STXBP6: variants seen among roughly 807,000 people sequenced by gnomAD.
STXBP6 encodes the protein syntaxin-binding protein 6.
STXBP6 carries 21 observed loss-of-function variants against 26.9 expected under a neutral mutation model. That is an observed-to-expected ratio of 0.78 (90% CI 0.55 to 1.12). The LOEUF is 1.12. Among genes scored for constraint, STXBP6 ranks in the 50% most tolerant of loss-of-function variants. The probability of loss-of-function intolerance (pLI) is 0.00; values close to 1 mark genes in which losing one functional copy is unlikely to be tolerated. For synonymous variants in STXBP6, 97 were observed against 92.6 expected, an observed-to-expected ratio of 1.05 and a Z score of -0.27; for missense variants, 232 against 257.9, an observed-to-expected ratio of 0.90 and a Z score of 0.69.
chr14:24,866,110 T>A (rs2069709277), intron 2 of STXBP6, among the ~76,000 whole-genome samples: 1 of 152,090 alleles, frequency 6.6e-6, no homozygotes, highest in African/African-American at 2.4e-5. Context: ...GGACTTTGAG[T>A]AAAGCACATG....
chr14:24,819,827 C>T (rs2068087848), intron 4 of STXBP6, among the ~76,000 whole-genome samples: 3 of 152,146 alleles, frequency 2.0e-5, no homozygotes, highest in South Asian at 2.1e-4. Context: ...TACCATGGCT[C>T]GGATGGTTGG....
chr14:24,921,558 G>A (rs2139815807), intron 2 of STXBP6, among the ~76,000 whole-genome samples: 1 of 152,186 alleles, frequency 6.6e-6, no homozygotes, highest in East Asian at 1.9e-4. Context: ...GAGGGTAGAA[G>A]GCTCATCCAA....
intron 2 of STXBP6, among the ~76,000 whole-genome samples, chr14:24,944,265 A>G (rs1005835089): frequency 6.6e-6 from 1 of 152,218 alleles, no homozygotes; most frequent in Non-Finnish European, 1.5e-5. Flanking sequence ...AAGCTTGGGC[A>G]CGCTGACCAC....
Position 24,855,926 on chromosome 14 carries a change from G to A in STXBP6, c.451+10C>T. ...ACAGGATGACTAAAGTCACACAAAT[G>A]TCCACTCACCTCCCATAATTTTGGA... On this transcript the variant is annotated intron_variant, in intron 4 of 5. Coordinates refer to ENST00000323944, the MANE Select transcript of STXBP6 (RefSeq NM_001394410.1). The A allele has an allele frequency of 1.9e-6, 3 of 1,592,430 alleles. No individual in the cohort carries two copies. The highest frequency in any genetic ancestry group is 2.6e-6 in the Non-Finnish European group (3 of 1,171,592).
intron 1 of STXBP6, among the ~76,000 whole-genome samples, chr14:24,999,880 G>A (rs565759417): frequency 6.6e-5 from 10 of 152,132 alleles, no homozygotes; most frequent in African/African-American, 2.4e-4. Flanking sequence ...ATCCTAGCAG[G>A]AAGAATAGTG....
intron 2 of STXBP6, among the ~76,000 whole-genome samples, chr14:24,938,030 T>A (rs186901890): frequency 1.2e-4 from 19 of 152,352 alleles, no homozygotes; most frequent in Non-Finnish European, 2.4e-4. Context: ...TGGCTTTATA[T>A]GGGGAAGAAA....
intron 4 of STXBP6, among the ~76,000 whole-genome samples, chr14:24,841,499 T>C (rs1201183936): frequency 6.6e-6 from 1 of 152,244 alleles, no homozygotes; most frequent in Non-Finnish European, 1.5e-5. Flanking sequence ...TCTTTTCAAA[T>C]ACTGGTTTTC....
chr14:25,042,122 C>T (rs1041771911), intron 1 of STXBP6, among the ~76,000 whole-genome samples: 6 of 152,176 alleles, frequency 3.9e-5, no homozygotes, highest in African/African-American at 1.4e-4. Context: ...ACACAATCTC[C>T]TATTTCCTTC....
intron 2 of STXBP6, among the ~76,000 whole-genome samples, chr14:24,953,396 C>T (rs937523275): frequency 5.9e-5 from 9 of 152,306 alleles, no homozygotes; most frequent in African/African-American, 2.2e-4. Flanking sequence ...CAGCCTCCCT[C>T]AACATCACTC....
intron 2 of STXBP6, among the ~76,000 whole-genome samples, chr14:24,954,293 T>C (rs2073267349): frequency 6.6e-6 from 1 of 152,130 alleles, no homozygotes; most frequent in South Asian, 2.1e-4. Flanking sequence ...GAAGTCTGAA[T>C]TGCTTTGCCT....
At chr14:24,881,272 C>T (rs549541859) in intron 2 of STXBP6, among the ~76,000 whole-genome samples, 3 of 152,312 alleles carry the variant, frequency 2.0e-5, no homozygotes, top group East Asian at 3.9e-4. Flanking sequence ...CCTGAATCTT[C>T]TCTTTCTAAA....
intron 2 of STXBP6, among the ~76,000 whole-genome samples, chr14:24,974,124 C>T (rs1372472842): frequency 6.6e-6 from 1 of 151,894 alleles, no homozygotes; most frequent in Non-Finnish European, 1.5e-5. Flanking sequence ...AAACAAGATT[C>T]AAAGCTTAAT....
chr14:25,046,357 G>C (rs2075726870), intron 1 of STXBP6, among the ~76,000 whole-genome samples: 1 of 152,218 alleles, frequency 6.6e-6, no homozygotes, highest in Non-Finnish European at 1.5e-5. Context: ...ACCAAGTGCT[G>C]ACTGCTGTCA....
chr14:25,005,684 G>A (rs1347723557), intron 1 of STXBP6, among the ~76,000 whole-genome samples: 1 of 151,668 alleles, frequency 6.6e-6, no homozygotes, highest in South Asian at 2.1e-4. Context: ...AAAGGGATTC[G>A]AACTCTCTAA....
intron 1 of STXBP6, among the ~76,000 whole-genome samples, chr14:25,036,867 A>G (rs2140490065): frequency 6.6e-6 from 1 of 152,016 alleles, no homozygotes; most frequent in East Asian, 1.9e-4. Flanking sequence ...AAAAAAAAAA[A>G]AAAAAAAAGA....
intron 5 of STXBP6, chr14:24,816,743 G>A (rs2067989506): frequency 6.6e-6 from 1 of 152,052 alleles, no homozygotes; most frequent in African/African-American, 2.4e-5. Flanking sequence ...TGTTTAGATA[G>A]TATCAACATT....
intron 2 of STXBP6, among the ~76,000 whole-genome samples, chr14:24,892,459 A>AG (rs1405205857): frequency 6.6e-6 from 1 of 152,090 alleles, no homozygotes; most frequent in African/African-American, 2.4e-5. Context: ...ATATTCTTCA[A>AG]GGGGGGAAAT....
chr14:24,810,204 T>C lies in STXBP6; in HGVS notation c.*2505A>G, dbSNP rs1353983789. 1 of 152,234 alleles carries C rather than the reference T, an allele frequency of 6.6e-6. No individual in the cohort carries two copies. The highest frequency in any genetic ancestry group is 1.5e-5 in the Non-Finnish European group (1 of 68,048). The allele number at this position is 152,234 out of a possible 1,614,324, so 9.4% of individuals were successfully genotyped here. On this transcript the variant is annotated 3_prime_UTR_variant, in exon 6 of 6. Coordinates refer to ENST00000323944, the MANE Select transcript of STXBP6 (RefSeq NM_001394410.1). ...CAGAAATATAGTATCCCAAAATTCA[T>C]AGAGAAGTGCAGAAATGAAACAAAT...
intron 2 of STXBP6, among the ~76,000 whole-genome samples, chr14:24,947,850 C>T (rs2140034647): frequency 6.6e-6 from 1 of 152,108 alleles, no homozygotes; most frequent in Non-Finnish European, 1.5e-5. Flanking sequence ...CAAGATGTAC[C>T]TTTTATTTGT....
Sources: gnomAD v4.1 joint callset for allele counts (sites outside exome capture counted in the v4.1 genomes callset) on GRCh38, gnomAD v4.1.1 for gene constraint, MANE v1.5 for transcripts, NCBI Gene and HGNC (gene_info 2026-07-23, HGNC 2026-07-21) for gene names.